CNIH3: variants seen among roughly 807,000 people sequenced by gnomAD.
The protein encoded by CNIH3 is protein cornichon homolog 3.
Under a neutral mutation model 24.1 loss-of-function variants are expected in CNIH3, and 14 were observed. That is an observed-to-expected ratio of 0.58 (90% CI 0.38 to 0.91). CNIH3 has a LOEUF of 0.91. Ranked by LOEUF, CNIH3 falls within the 40% of genes least tolerant of loss-of-function variation. The pLI is 0.00. For missense variants in CNIH3, 178 were observed against 196.8 expected, an observed-to-expected ratio of 0.90 and a Z score of 0.57; for synonymous variants, 68 against 73.8, an observed-to-expected ratio of 0.92 and a Z score of 0.40.
At chr1:224,548,230 G>A (rs141954339) in intron 3 of CNIH3, among the ~76,000 whole-genome samples, 24 of 151,878 alleles carry the variant, frequency 1.6e-4, no homozygotes, top group African/African-American at 5.6e-4. Flanking sequence ...GATATTATAG[G>A]CAATATCTTA....
chr1:224,569,272 C>T (rs1195612585), intron 4 of CNIH3, among the ~76,000 whole-genome samples: 3 of 152,168 alleles, frequency 2.0e-5, no homozygotes, highest in African/African-American at 4.8e-5. Flanking sequence ...TGGAATCATA[C>T]TGTATGAATT....
At chr1:224,695,585 A>G (rs1333690441) in intron 3 of CNIH3, among the ~76,000 whole-genome samples, 7 of 152,198 alleles carry the variant, frequency 4.6e-5, no homozygotes, top group African/African-American at 1.2e-4. Context: ...CACCCAGCTC[A>G]TAGGTCTGGT....
chr1:224,587,918 G>A (rs1202365646), intron 5 of CNIH3, among the ~76,000 whole-genome samples: 4 of 151,550 alleles, frequency 2.6e-5, no homozygotes, highest in Admixed American at 2.0e-4. Context: ...TTCAGCCTGG[G>A]TGACAGAGTG....
chr1:224,538,830 A>ATTTTTT (rs71574506), downstream of CNIH3, among the ~76,000 whole-genome samples: 2 of 124,184 alleles, frequency 1.6e-5, no homozygotes, highest in Non-Finnish European at 3.4e-5. Context: ...AGCTAATTAC[A>ATTTTTT]TTTTTTTTTT....
chr1:224,594,510 C>G (rs974311117), intron 3 of CNIH3, among the ~76,000 whole-genome samples: 1 of 152,196 alleles, frequency 6.6e-6, no homozygotes, highest in South Asian at 2.1e-4. Context: ...ATTACACTCA[C>G]AGGTCCTGGA....
chr1:224,686,746 A>G (rs1267786713), intron 3 of CNIH3, among the ~76,000 whole-genome samples: 1 of 152,214 alleles, frequency 6.6e-6, no homozygotes, highest in Non-Finnish European at 1.5e-5. Flanking sequence ...ATGCTGCTTG[A>G]CCAGTGACTC....
chr1:224,696,441 G>A (rs1687180288), intron 3 of CNIH3, among the ~76,000 whole-genome samples: 1 of 152,218 alleles, frequency 6.6e-6, no homozygotes, highest in African/African-American at 2.4e-5. Context: ...GACTTAGGAG[G>A]ACGGCTGCAG....
At chr1:224,605,711 C>T (rs1029970789) in intron 3 of CNIH3, among the ~76,000 whole-genome samples, 6 of 152,202 alleles carry the variant, frequency 3.9e-5, no homozygotes, top group South Asian at 2.1e-4. Context: ...ACCAGTCCTG[C>T]GGCCCCCACC....
At chr1:224,670,919 A>G (rs1299133436) in intron 1 of CNIH3, among the ~76,000 whole-genome samples, 1 of 152,176 alleles carries the variant, frequency 6.6e-6, no homozygotes, top group Non-Finnish European at 1.5e-5. Context: ...GTGTTTTTGG[A>G]TAAGATTAAT....
intron 2 of CNIH3, among the ~76,000 whole-genome samples, chr1:224,532,033 A>C (rs1427474579): frequency 2.6e-5 from 4 of 152,062 alleles, no homozygotes; most frequent in Non-Finnish European, 5.9e-5. Context: ...GTGGGGTGGG[A>C]GGGAAGTCAG....
chr1:224,723,314 G>A (rs1403315035), intron 3 of CNIH3, among the ~76,000 whole-genome samples: 3 of 151,892 alleles, frequency 2.0e-5, no homozygotes. Flanking sequence ...CAGCAGGGGT[G>A]CTGGTTTTGA....
chr1:224,538,196 G>A (rs962955859), downstream of CNIH3, among the ~76,000 whole-genome samples: 1 of 152,044 alleles, frequency 6.6e-6, no homozygotes, highest in Admixed American at 6.6e-5. Context: ...TGATCCATCC[G>A]CATCAGCCTC....
chr1:224,682,737 G>A (rs1200483936), intron 2 of CNIH3, among the ~76,000 whole-genome samples: 1 of 152,132 alleles, frequency 6.6e-6, no homozygotes, highest in East Asian at 1.9e-4. Flanking sequence ...TGCAGTGAGC[G>A]GCTCTAGTCT....
At chr1:224,526,463 G>A (rs147675571) in intron 2 of CNIH3, among the ~76,000 whole-genome samples, 4 of 152,158 alleles carry the variant, frequency 2.6e-5, no homozygotes, top group Non-Finnish European at 5.9e-5. Context: ...CCAGACACCG[G>A]AGCTGCTCGT....
chr1:224,494,447 A>G (rs2124853845), intron 1 of CNIH3, among the ~76,000 whole-genome samples: 1 of 152,292 alleles, frequency 6.6e-6, no homozygotes. Context: ...CCCTCAGCCT[A>G]CATCTTGGAA....
chr1:224,523,084 A>C (rs554421433), intron 2 of CNIH3, among the ~76,000 whole-genome samples: 1 of 152,076 alleles, frequency 6.6e-6, no homozygotes, highest in Non-Finnish European at 1.5e-5. Flanking sequence ...AAAATAAAAA[A>C]TAAAATTAGA....
chr1:224,592,713 A>T (rs1162151329), downstream of CNIH3, among the ~76,000 whole-genome samples: 1 of 152,142 alleles, frequency 6.6e-6, no homozygotes, highest in African/African-American at 2.4e-5. Context: ...AGAAATGGGG[A>T]TCTAGTTTTG....
downstream of CNIH3, among the ~76,000 whole-genome samples, chr1:224,590,948 C>T (rs1681731409): frequency 6.6e-6 from 1 of 152,146 alleles, no homozygotes; most frequent in African/African-American, 2.4e-5. Flanking sequence ...TCAGAAACAG[C>T]TCCCACCCCT....
At chr1:224,480,399 T>C (rs1436021644) in intron 1 of CNIH3, among the ~76,000 whole-genome samples, 1 of 152,232 alleles carries the variant, frequency 6.6e-6, no homozygotes, top group Non-Finnish European at 1.5e-5. Context: ...TCTTGGGGAT[T>C]AACATTAGGC....
Sources: allele counts gnomAD v4.1 joint callset (sites outside exome capture counted in the v4.1 genomes callset), GRCh38; gene constraint gnomAD v4.1.1; transcripts MANE v1.5; gene names NCBI Gene and HGNC (gene_info 2026-07-23, HGNC 2026-07-21).